ANKIB1: variants seen among roughly 807,000 people sequenced by gnomAD.
ANKIB1 encodes the protein ankyrin repeat and IBR domain containing 1.
A neutral mutation model predicts 122.1 loss-of-function variants in ANKIB1; 43 were observed. The observed-to-expected ratio is 0.35, with a 90% confidence interval of 0.28 to 0.45. The LOEUF (loss-of-function observed/expected upper bound fraction) is 0.45, where lower values mean the gene tolerates loss of function less well. ANKIB1 is among the 20% of genes least tolerant of loss of function. The pLI is 1.00. For missense variants in ANKIB1, 992 were observed against 1,329.5 expected (o/e 0.75, Z 3.95); for synonymous variants, 390 against 442.0 (o/e 0.88, Z 1.48).
chr7:92,353,570 C>A (rs1057329175), intron 9 of ANKIB1, among the ~76,000 whole-genome samples: 4 of 152,060 alleles, frequency 2.6e-5, no homozygotes, highest in Admixed American at 6.5e-5. Flanking sequence ...TATCAGAAAC[C>A]AGAAACTAAG....
chr7:92,359,104 T>C (rs975564489), intron 9 of ANKIB1, among the ~76,000 whole-genome samples: 1 of 152,216 alleles, frequency 6.6e-6, no homozygotes, highest in Non-Finnish European at 1.5e-5. Flanking sequence ...TAAGTTCTGT[T>C]GTACATGTGC....
chr7:92,343,346 A>G, intron 6 of ANKIB1, 114 bp downstream of exon 6: 3 of 903,050 alleles, frequency 3.3e-6, no homozygotes, highest in Middle Eastern at 2.8e-4. Context: ...ATTGAATCCT[A>G]TCCCTTTCTT....
At chr7:92,286,477 G>GT (rs1802126066) in intron 1 of ANKIB1, among the ~76,000 whole-genome samples, 1 of 143,802 alleles carries the variant, frequency 7.0e-6, no homozygotes, top group Admixed American at 6.9e-5. Context: ...GATATTATCC[G>GT]TATTTTTTTT....
At chr7:92,296,115 G>C (rs1344692646) in intron 2 of ANKIB1, among the ~76,000 whole-genome samples, 1 of 151,644 alleles carries the variant, frequency 6.6e-6, no homozygotes, top group Non-Finnish European at 1.5e-5. Context: ...TGCTTTTTTT[G>C]CTATCTCCAA....
At chr7:92,307,251 A>G in intron 2 of ANKIB1, 108 bp from the exon 3 acceptor site, 1 of 1,140,528 alleles carries the variant, frequency 8.8e-7, no homozygotes, top group South Asian at 1.7e-5. Flanking sequence ...AAATTGGATT[A>G]TCAGCTTAGA....
chr7:92,380,317 C>T (rs181775727), intron 11 of ANKIB1, among the ~76,000 whole-genome samples: 14 of 152,328 alleles, frequency 9.2e-5, no homozygotes, highest in Admixed American at 7.8e-4. Context: ...CATAGCTGAA[C>T]AAAAGGCCAC....
rs190929158 is a variant in ANKIB1, at chr7:92,354,267, C to T, written c.1397+1625C>T. On this transcript the variant is annotated intron_variant, in intron 9 of 19. Coordinates refer to ENST00000265742, the MANE Select transcript of ANKIB1 (RefSeq NM_019004.2). ...TTCTAGAATAACATTTGGAGAAATACATCAGCTTACTTTTTCTCATACCCC... is the reference window on the plus strand; with the variant it reads ...TTCTAGAATAACATTTGGAGAAATATATCAGCTTACTTTTTCTCATACCCC... 9.1e-4 allele frequency among the ~76,000 whole-genome samples: 139 copies of T among 152,228 alleles called. 1 individual carries two copies. Among genetic ancestry groups the T allele is most frequent in the Non-Finnish European group, 1.4e-3 (95 of 68,004 alleles).
At chr7:92,320,402 A>G (rs548804926) in intron 4 of ANKIB1, among the ~76,000 whole-genome samples, 2 of 152,290 alleles carry the variant, frequency 1.3e-5, no homozygotes, top group Admixed American at 6.5e-5. Context: ...TCTTACTTGA[A>G]TTCCTCAGTG....
At chr7:92,312,408 T>C (rs1486174616) in intron 3 of ANKIB1, among the ~76,000 whole-genome samples, 1 of 152,144 alleles carries the variant, frequency 6.6e-6, no homozygotes, top group African/African-American at 2.4e-5. Context: ...ATTCCAAAAA[T>C]TATTTACAGG....
chr7:92,350,559 C>G (rs1447259179), intron 7 of ANKIB1, among the ~76,000 whole-genome samples: 1 of 151,978 alleles, frequency 6.6e-6, no homozygotes, highest in African/African-American at 2.4e-5. Flanking sequence ...ACAAAAAGTT[C>G]AGCATAAAGG....
At chr7:92,370,317 G>C (rs976247353) in intron 10 of ANKIB1, among the ~76,000 whole-genome samples, 1 of 151,588 alleles carries the variant, frequency 6.6e-6, no homozygotes, top group East Asian at 1.9e-4. Context: ...GACCATCCTG[G>C]CTAACATGGT....
chr7:92,279,035 A>C (rs918447818), intron 1 of ANKIB1, among the ~76,000 whole-genome samples: 1 of 152,130 alleles, frequency 6.6e-6, no homozygotes, highest in African/African-American at 2.4e-5. Context: ...CAGAGTGGGG[A>C]TGGTGTCGGG....
intron 9 of ANKIB1, among the ~76,000 whole-genome samples, chr7:92,357,649 G>A (rs1170356209): frequency 6.6e-6 from 1 of 150,460 alleles, no homozygotes. Context: ...GCAGTAGGAT[G>A]GCTTGAGCTC....
intron 4 of ANKIB1, among the ~76,000 whole-genome samples, chr7:92,322,365 T>TA (rs1243431018): frequency 6.6e-6 from 1 of 152,132 alleles, no homozygotes. Flanking sequence ...AGTTTGATGC[T>TA]AATTCTATAG....
At chr7:92,390,803 T>A (rs897459842) in intron 15 of ANKIB1, among the ~76,000 whole-genome samples, 2 of 152,214 alleles carry the variant, frequency 1.3e-5, no homozygotes, top group Non-Finnish European at 2.9e-5. Context: ...GCATCATGCA[T>A]TTGCTTGTAT....
intron 4 of ANKIB1, 87 bp downstream of exon 4, chr7:92,319,599 T>C: frequency 1.5e-6 from 2 of 1,320,712 alleles, no homozygotes; most frequent in Middle Eastern, 1.8e-4. Context: ...TAAAACTCAG[T>C]TTGTGTGTTC....
intron 7 of ANKIB1, among the ~76,000 whole-genome samples, chr7:92,348,479 G>A (rs949819767): frequency 1.3e-5 from 2 of 149,790 alleles, no homozygotes; most frequent in Non-Finnish European, 3.0e-5. Context: ...TCTGCCTCCC[G>A]GGTTCAAGTG....
At chr7:92,385,558 A>T (rs1804618829) in intron 11 of ANKIB1, among the ~76,000 whole-genome samples, 1 of 152,248 alleles carries the variant, frequency 6.6e-6, no homozygotes, top group Admixed American at 6.5e-5. Flanking sequence ...GCCATAAAAA[A>T]AGATGAGTTC....
intron 4 of ANKIB1, chr7:92,325,870 A>G (rs1803017428): frequency 2.4e-6 from 1 of 424,896 alleles, no homozygotes; most frequent in Non-Finnish European, 4.7e-6. Flanking sequence ...AATGCAAAAG[A>G]GGTAATTTTA....
Sources: gnomAD v4.1 joint callset for allele counts (sites outside exome capture counted in the v4.1 genomes callset) on GRCh38, gnomAD v4.1.1 for gene constraint, MANE v1.5 for transcripts, NCBI Gene and HGNC (gene_info 2026-07-23, HGNC 2026-07-21) for gene names.